SAMMSON: variants seen among roughly 807,000 people sequenced by gnomAD.
SAMMSON encodes the protein long intergenic non-protein coding RNA 1212.
rs143253448 is a variant in SAMMSON at position 70,260,481 on chromosome 3, G to T, written n.674+10811G>T. ...TTTTTACATCCCCTCAGTTCAACTC[G>T]TAACAGCCCCATTCCCTATCATCTT... On this transcript the variant is annotated intron_variant and non_coding_transcript_variant, in intron 6 of 9. Coordinates refer to ENST00000642114, the Ensembl canonical transcript of SAMMSON. Among the ~76,000 whole-genome samples the T allele has an allele frequency of 2.0e-5, 3 of 152,078 alleles. No homozygotes were observed. The East Asian group carries it at 5.8e-4, about 29-fold the overall frequency.
intron 2 of SAMMSON, among the ~76,000 whole-genome samples, chr3:70,434,408 C>G (rs2106781666): frequency 6.6e-6 from 1 of 152,172 alleles, no homozygotes; most frequent in Non-Finnish European, 1.5e-5. Flanking sequence ...CTTTAAACTT[C>G]AAATTCTATG....
At chr3:70,433,443 C>T (rs1169779186) in intron 2 of SAMMSON, among the ~76,000 whole-genome samples, 5 of 152,048 alleles carry the variant, frequency 3.3e-5, no homozygotes, top group African/African-American at 1.2e-4. Context: ...TTTTTGCTAT[C>T]TGTATCTGCA....
chr3:70,008,844 A>G lies in SAMMSON; in HGVS notation n.23-3513A>G, dbSNP rs374046922. Among the ~76,000 whole-genome samples the G allele has an allele frequency of 6.6e-5, 10 of 152,210 alleles. 1 individual carries two copies. The East Asian group carries it at 1.9e-3, about 29-fold the overall frequency. On this transcript the variant is annotated intron_variant and non_coding_transcript_variant, in intron 1 of 9. Transcript: ENST00000642114. ...ACCTAATTTATTGATAGTTTTTAGC[A>G]TGAAGCGTTGTTGAATTTTGTGAAA...
intron 9 of SAMMSON, among the ~76,000 whole-genome samples, chr3:70,363,301 T>A (rs1467769104): frequency 6.6e-6 from 1 of 151,958 alleles, no homozygotes; most frequent in Non-Finnish European, 1.5e-5. Flanking sequence ...ACCACTCTTA[T>A]TCAACATAGT....
At chr3:70,255,164 G>A (rs1701803470) in intron 6 of SAMMSON, among the ~76,000 whole-genome samples, 1 of 152,158 alleles carries the variant, frequency 6.6e-6, no homozygotes. Flanking sequence ...TATCAAAGAA[G>A]TTAATTTGAT....
chr3:70,375,769 G>A (rs763454013), intron 9 of SAMMSON, among the ~76,000 whole-genome samples: 2 of 151,880 alleles, frequency 1.3e-5, no homozygotes, highest in African/African-American at 4.8e-5. Flanking sequence ...TTTTTTCATC[G>A]CAGAGTGAGG....
At chr3:70,067,055 A>G (rs184380270) in intron 3 of SAMMSON, among the ~76,000 whole-genome samples, 5 of 152,172 alleles carry the variant, frequency 3.3e-5, no homozygotes, top group South Asian at 2.1e-4. Context: ...TTAGTAGTCA[A>G]TTGTTGAAAG....
At chr3:70,431,720 C>T (rs1483676005) in intron 2 of SAMMSON, among the ~76,000 whole-genome samples, 3 of 151,928 alleles carry the variant, frequency 2.0e-5, no homozygotes, top group Non-Finnish European at 4.4e-5. Context: ...TAGAATATTT[C>T]CCAGAAAGTG....
At chr3:70,355,703 C>T (rs1457564240) in intron 8 of SAMMSON, among the ~76,000 whole-genome samples, 1 of 152,002 alleles carries the variant, frequency 6.6e-6, no homozygotes, top group Non-Finnish European at 1.5e-5. Flanking sequence ...ATAAGTAATG[C>T]AAGCGTAACT....
chr3:70,325,950 T>TC (rs1228123097), intron 7 of SAMMSON, among the ~76,000 whole-genome samples: 2 of 152,166 alleles, frequency 1.3e-5, no homozygotes, highest in Non-Finnish European at 2.9e-5. Flanking sequence ...GTATTTACAA[T>TC]CCAGTTGATT....
chr3:70,083,112 C>T (rs921235980), intron 4 of SAMMSON, among the ~76,000 whole-genome samples: 1 of 152,124 alleles, frequency 6.6e-6, no homozygotes, highest in Non-Finnish European at 1.5e-5. Context: ...TTTGTTGATC[C>T]GTAGGACTCC....
At chr3:70,134,883 CAT>C (rs2067499463) in intron 4 of SAMMSON, among the ~76,000 whole-genome samples, 1 of 151,930 alleles carries the variant, frequency 6.6e-6, no homozygotes, top group African/African-American at 2.4e-5. Context: ...AAGGAAGTAT[CAT>C]AAATTAAAAA....
At chr3:70,242,092 T>A (rs1701670953) in intron 4 of SAMMSON, among the ~76,000 whole-genome samples, 1 of 152,218 alleles carries the variant, frequency 6.6e-6, no homozygotes, top group South Asian at 2.1e-4. Context: ...GCCAATGATG[T>A]GTACTGCTAT....
intron 8 of SAMMSON, among the ~76,000 whole-genome samples, chr3:70,354,848 T>G (rs906370564): frequency 3.3e-5 from 5 of 152,176 alleles, no homozygotes; most frequent in African/African-American, 1.2e-4. Flanking sequence ...ACATGCATTG[T>G]GGTCTGATTG....
intron 9 of SAMMSON, among the ~76,000 whole-genome samples, chr3:70,367,152 C>T (rs1313545910): frequency 1.3e-5 from 2 of 151,540 alleles, no homozygotes; most frequent in African/African-American, 4.8e-5. Flanking sequence ...AAACAGTTAT[C>T]ATTTATTTGT....
intron 7 of SAMMSON, among the ~76,000 whole-genome samples, chr3:70,293,947 A>T (rs1478352506): frequency 6.6e-6 from 1 of 152,070 alleles, no homozygotes; most frequent in African/African-American, 2.4e-5. Context: ...TTATCTGATG[A>T]CAGAGGGAGC....
intron 7 of SAMMSON, among the ~76,000 whole-genome samples, chr3:70,310,231 C>A (rs1702442230): frequency 6.6e-6 from 1 of 152,056 alleles, no homozygotes; most frequent in Non-Finnish European, 1.5e-5. Context: ...TTGTCTGCAT[C>A]AACTTTAGTC....
chr3:70,313,064 C>G (rs919829483), intron 7 of SAMMSON, among the ~76,000 whole-genome samples: 6 of 152,082 alleles, frequency 3.9e-5, no homozygotes, highest in Non-Finnish European at 5.9e-5. Flanking sequence ...ATTTTATAAA[C>G]AACAAGAAAA....
At chr3:70,367,345 A>G (rs1702930519) in intron 9 of SAMMSON, among the ~76,000 whole-genome samples, 1 of 151,616 alleles carries the variant, frequency 6.6e-6, no homozygotes, top group Admixed American at 6.6e-5. Context: ...AGCCTCTGGT[A>G]ACTATCATTC....
Sources: allele counts gnomAD v4.1 joint callset (sites outside exome capture counted in the v4.1 genomes callset), GRCh38; gene constraint gnomAD v4.1.1; transcripts MANE v1.5; gene names NCBI Gene and HGNC (gene_info 2026-07-23, HGNC 2026-07-21).